FKBP1A: variants seen among roughly 807,000 people sequenced by gnomAD.
FKBP1A encodes peptidyl-prolyl cis-trans isomerase FKBP1A.
A neutral mutation model predicts 14.2 loss-of-function variants in FKBP1A; 5 were observed. The observed-to-expected ratio is 0.35, with a 90% confidence interval of 0.18 to 0.74. The LOEUF is 0.74. Among genes scored for constraint, FKBP1A ranks in the 30% least tolerant of loss-of-function variants. The pLI is 0.56. For synonymous variants in FKBP1A, 42 were observed against 49.1 expected (o/e 0.86, Z 0.60); for missense variants, 53 against 138.8 (o/e 0.38, Z 3.10).
At chr20:1,380,093 A>G (rs1424367419) in intron 2 of FKBP1A, among the ~76,000 whole-genome samples, 2 of 152,176 alleles carry the variant, frequency 1.3e-5, no homozygotes, top group African/African-American at 4.8e-5. Context: ...TCCTCCCTAC[A>G]AAAAGTCCAC....
intron 2 of FKBP1A, among the ~76,000 whole-genome samples, chr20:1,380,038 TCA>T (rs1434567352): frequency 6.6e-6 from 1 of 151,536 alleles, no homozygotes; most frequent in African/African-American, 2.4e-5. Flanking sequence ...AGGACAAGGA[TCA>T]GATTTGTTCA....
Position 1,370,030 on chromosome 20 carries a change from CAT to C in FKBP1A, c.*77_*78del, listed in dbSNP as rs755407950. On this transcript the variant is annotated 3_prime_UTR_variant, in exon 5 of 5. Transcript: ENST00000400137. ...CATCAGGAAAAGCTCCATATGGATTCATGTGCACATGTCTGGAGGCACCAGAT... is the reference window on the plus strand; with the variant it reads ...CATCAGGAAAAGCTCCATATGGATTCGTGCACATGTCTGGAGGCACCAGAT... The C allele has an allele frequency of 6.5e-6, 10 of 1,550,164 alleles. No individual in the cohort carries two copies. Among genetic ancestry groups the C allele is most frequent in the South Asian group, 1.2e-5 (1 of 84,040 alleles).
chr20:1,391,833 G>A lies in FKBP1A; in HGVS notation c.85+1001C>T, dbSNP rs1241860570. On this transcript the variant is annotated intron_variant, in intron 2 of 4. Transcript: ENST00000400137. ...TGAGAAAGGGGAAGGAGGAGGGGGA[G>A]GGAAGGTTATTCGTATCAACAACTG... is the stretch of plus-strand genomic sequence containing the variant. 1.3e-5 allele frequency: 5 copies of A among 390,698 alleles called. No homozygotes were observed. The East Asian group carries it at 1.8e-4, about 14-fold the overall frequency. 24.2% of individuals were successfully genotyped at this position (390,698 alleles called of 1,614,324 possible).
chr20:1,385,149 G>A (rs1330151555), intron 2 of FKBP1A, among the ~76,000 whole-genome samples: 2 of 152,190 alleles, frequency 1.3e-5, no homozygotes, highest in Non-Finnish European at 2.9e-5. Context: ...TAGCACTTTG[G>A]GAGGCTGAGG....
At chr20:1,380,530 A>G (rs1194483429) in intron 2 of FKBP1A, among the ~76,000 whole-genome samples, 3 of 152,178 alleles carry the variant, frequency 2.0e-5, no homozygotes, top group Non-Finnish European at 4.4e-5. Context: ...ACTCAGGAAG[A>G]TCTTGCCTAT....
Position 1,386,788 on chromosome 20 carries a change from T to G in FKBP1A, c.85+6046A>C. 6.6e-6 allele frequency among the ~76,000 whole-genome samples: 1 copy of G among 152,122 alleles called. No individual in the cohort carries two copies. The highest frequency in any genetic ancestry group is 1.5e-5 in the Non-Finnish European group (1 of 68,040). On this transcript the variant is annotated intron_variant, in intron 2 of 4. Transcript: ENST00000400137. The surrounding 1 kb of genome is among the most constrained non-coding windows in gnomAD (Gnocchi z 4.7). ...GAGCAAATGTAACAGAAAGAGACAG[T>G]AGCATCTAAGAACTGGTTATTTCTA...
intron 2 of FKBP1A, among the ~76,000 whole-genome samples, chr20:1,376,077 G>C (rs374021062): frequency 4.6e-5 from 7 of 152,152 alleles, no homozygotes; most frequent in Non-Finnish European, 7.3e-5. Flanking sequence ...CCATTGTTCA[G>C]TGCAGGCAAA....
intron 2 of FKBP1A, among the ~76,000 whole-genome samples, chr20:1,387,831 CTG>C (rs951424375): frequency 1.4e-4 from 21 of 151,918 alleles, no homozygotes; most frequent in African/African-American, 4.8e-4. Flanking sequence ...GACAGAGACA[CTG>C]TCTCAAAAAA....
chr20:1,372,105 A>C lies in FKBP1A; in HGVS notation c.*7T>G, dbSNP rs777836202. 17 of 1,613,498 alleles carry C rather than the reference A, an allele frequency of 1.1e-5. No homozygotes were observed. Among genetic ancestry groups the C allele is most frequent in the Non-Finnish European group, 1.3e-5 (15 of 1,179,696 alleles). On this transcript the variant is annotated 3_prime_UTR_variant, in exon 4 of 5. Transcript: ENST00000400137. The stretch of plus-strand genomic sequence containing the variant: ...GAACAGGGAGCTAAGGGAGGAGGCC[A>C]TTCCTGTCATTCCAGTTTTAGAAGC...
intron 2 of FKBP1A, among the ~76,000 whole-genome samples, chr20:1,381,081 A>T (rs1241079037): frequency 1.3e-5 from 2 of 152,206 alleles, no homozygotes; most frequent in Admixed American, 6.5e-5. Flanking sequence ...TGATGTCAAA[A>T]AGCACTATCT....
chr20:1,379,874 A>G lies in FKBP1A; in HGVS notation c.86-4271T>C, dbSNP rs898500473. Among the ~76,000 whole-genome samples the G allele has an allele frequency of 6.6e-6, 1 of 152,218 alleles. No homozygotes were observed. Among genetic ancestry groups the G allele is most frequent in the Non-Finnish European group, 1.5e-5 (1 of 68,036 alleles). On this transcript the variant is annotated intron_variant, in intron 2 of 4. Coordinates refer to ENST00000400137, the MANE Select transcript of FKBP1A (RefSeq NM_000801.5). This position sits in a 1 kb window ranked among gnomAD's most constrained non-coding sequence, Gnocchi z 4.3. ...GAGGGCTTCCCCAGTGGGGAGGAAC[A>G]GGCCACTTATCTATGGCCCTAAGTT...
At chr20:1,374,956 C>T (rs1052272905) in intron 3 of FKBP1A, among the ~76,000 whole-genome samples, 8 of 152,220 alleles carry the variant, frequency 5.3e-5, no homozygotes, top group African/African-American at 1.9e-4. Flanking sequence ...CCTGCCTCGG[C>T]CTCCCAAGTA....
intron 2 of FKBP1A, among the ~76,000 whole-genome samples, chr20:1,376,176 C>G (rs773021852): frequency 3.9e-5 from 6 of 152,198 alleles, no homozygotes; most frequent in Non-Finnish European, 7.3e-5. Flanking sequence ...GGCTGTGGGT[C>G]AGCACTATGG....
intron 4 of FKBP1A, chr20:1,370,598 T>G (rs938098490): frequency 2.5e-5 from 25 of 985,284 alleles, no homozygotes; most frequent in Admixed American, 1.2e-4. Context: ...CAGTATTCAT[T>G]CATTCACTCA....
intron 2 of FKBP1A, among the ~76,000 whole-genome samples, chr20:1,387,874 G>T (rs928740817): frequency 5.3e-5 from 8 of 152,064 alleles, no homozygotes; most frequent in African/African-American, 1.9e-4. Context: ...TAAAGGTAAA[G>T]AATTACTTTA....
chr20:1,375,719 A>G, intron 2 of FKBP1A, 116 bp from the exon 3 acceptor site: 1 of 764,274 alleles, frequency 1.3e-6, no homozygotes, highest in Non-Finnish European at 2.3e-6. Flanking sequence ...CAGGAACTGC[A>G]GTATCTAGGG....
chr20:1,375,432 A>C (rs2089527651), intron 3 of FKBP1A, 59 bp downstream of exon 3: 1 of 1,253,684 alleles, frequency 8.0e-7, no homozygotes, highest in Non-Finnish European at 1.2e-6. Flanking sequence ...TATGCCACCT[A>C]TAAAAAAATA....
intron 2 of FKBP1A, among the ~76,000 whole-genome samples, chr20:1,389,714 C>T (rs2089710760): frequency 6.6e-6 from 1 of 152,208 alleles, no homozygotes; most frequent in South Asian, 2.1e-4. Flanking sequence ...TGGGGCTGCT[C>T]TCACAATGGC....
chr20:1,376,714 A>C (rs2089549182), intron 2 of FKBP1A: 1 of 152,186 alleles, frequency 6.6e-6, no homozygotes, highest in Non-Finnish European at 1.5e-5. Flanking sequence ...CTATTATAAA[A>C]ATAGTAAATT....
Sources: gnomAD v4.1 joint callset for allele counts (sites outside exome capture counted in the v4.1 genomes callset) on GRCh38, gnomAD v4.1.1 for gene constraint, Gnocchi (gnomAD v3.1) non-coding constraint, MANE v1.5 for transcripts, NCBI Gene and HGNC (gene_info 2026-07-23, HGNC 2026-07-21) for gene names.